DTNB: variants seen among roughly 807,000 people sequenced by gnomAD.
DTNB encodes dystrobrevin beta.
DTNB carries 63 observed loss-of-function variants against 90.7 expected under a neutral mutation model. The ratio of observed to expected loss-of-function variants is 0.69; its 90% CI spans 0.57 to 0.86. The LOEUF is 0.86. DTNB is among the 40% of genes least tolerant of loss of function. The pLI is 0.00. For synonymous variants in DTNB, 277 were observed against 286.7 expected (o/e 0.97, Z 0.34); for missense variants, 744 against 807.1 (o/e 0.92, Z 0.95).
At position 25,609,671 on chromosome 2, in the gene DTNB, C is replaced by T. The variant is rs897686979; in HGVS notation, c.363-2350G>A. Among the ~76,000 whole-genome samples, 829 of 143,374 alleles carry T rather than the reference C, an allele frequency of 5.8e-3. 6 individuals carry two copies. The highest frequency in any genetic ancestry group is 0.021 in the African/African-American group (773 of 37,456). 94.1% of individuals were successfully genotyped at this position (143,374 alleles called of 152,430 possible). A position where few individuals can be genotyped will look rare whatever the true frequency, so the allele number is the denominator to read the frequency against. ...ATAATAGAATGTACACACACACACA[C>T]ACACACACACACACACACACACACA... On this transcript the variant is annotated intron_variant, in intron 4 of 20. Transcript: ENST00000406818.
At chr2:25,406,205 A>G (rs1194803974) in intron 16 of DTNB, among the ~76,000 whole-genome samples, 1 of 152,062 alleles carries the variant, frequency 6.6e-6, no homozygotes, top group Admixed American at 6.6e-5. Context: ...TATCACAGGG[A>G]AAGGTTCTCT....
intron 8 of DTNB, among the ~76,000 whole-genome samples, chr2:25,547,701 A>G (rs2082732455): frequency 1.3e-5 from 2 of 152,118 alleles, no homozygotes; most frequent in South Asian, 4.1e-4. Flanking sequence ...GATACATTCC[A>G]ATTTTGTACT....
chr2:25,479,688 T>A (rs1051842569), intron 10 of DTNB, among the ~76,000 whole-genome samples: 9 of 152,226 alleles, frequency 5.9e-5, no homozygotes, highest in African/African-American at 2.2e-4. Context: ...ATTCAGATCA[T>A]CTTTTATTTG....
At chr2:25,664,821 G>A (rs1264129841) in intron 1 of DTNB, among the ~76,000 whole-genome samples, 2 of 152,158 alleles carry the variant, frequency 1.3e-5, no homozygotes, top group Non-Finnish European at 2.9e-5. Flanking sequence ...AGGAATCTGC[G>A]GAGTTGACCA....
intron 5 of DTNB, among the ~76,000 whole-genome samples, chr2:25,606,951 A>G (rs1338288055): frequency 6.6e-6 from 1 of 152,236 alleles, no homozygotes; most frequent in Admixed American, 6.5e-5. Context: ...CATAATTTTA[A>G]TAATGTGGAA....
chr2:25,430,204 A>G (rs950849297), intron 14 of DTNB, among the ~76,000 whole-genome samples: 5 of 152,178 alleles, frequency 3.3e-5, no homozygotes, highest in Non-Finnish European at 7.4e-5. Context: ...TCTTATCCAT[A>G]CTGTTTATTG....
rs540377302 is a variant in DTNB, at chr2:25,608,076, C to T, written c.363-755G>A. Among the ~76,000 whole-genome samples, 94 of 152,298 alleles carry T rather than the reference C, an allele frequency of 6.2e-4. 3 individuals are homozygous for T. The highest frequency in any genetic ancestry group is 1.8e-3 in the Admixed American group (27 of 15,300). On this transcript the variant is annotated intron_variant, in intron 4 of 20. Coordinates refer to ENST00000406818, the MANE Select transcript of DTNB (RefSeq NM_021907.5). ...TTCACTCAACTATGCCCTGGTTTCACAGCAGATAAAAACTTCACTAGTTGG... is the reference window on the plus strand; with the variant it reads ...TTCACTCAACTATGCCCTGGTTTCATAGCAGATAAAAACTTCACTAGTTGG...
chr2:25,408,454 G>T (rs933593413), intron 16 of DTNB, among the ~76,000 whole-genome samples: 1 of 145,314 alleles, frequency 6.9e-6, no homozygotes, highest in African/African-American at 2.6e-5. Flanking sequence ...CAGGAGAATC[G>T]CTGGAACCCA....
At chr2:25,455,833 C>G (rs974657211) in intron 10 of DTNB, among the ~76,000 whole-genome samples, 2 of 152,228 alleles carry the variant, frequency 1.3e-5, no homozygotes, top group Non-Finnish European at 2.9e-5. Context: ...TTAGAAGATG[C>G]CTTCTGGCAA....
intron 6 of DTNB, among the ~76,000 whole-genome samples, chr2:25,591,600 T>C (rs1041553002): frequency 2.6e-5 from 4 of 152,188 alleles, no homozygotes; most frequent in Admixed American, 2.6e-4. Flanking sequence ...GTTTGTAAAC[T>C]CTGAAGAATG....
At chr2:25,553,646 A>C (rs1417381800) in intron 8 of DTNB, among the ~76,000 whole-genome samples, 1 of 150,490 alleles carries the variant, frequency 6.6e-6, no homozygotes, top group Non-Finnish European at 1.5e-5. Context: ...AGGCTAAGGC[A>C]GGAGAATCAC....
intron 10 of DTNB, among the ~76,000 whole-genome samples, chr2:25,460,629 C>T (rs979809042): frequency 5.3e-5 from 8 of 152,072 alleles, no homozygotes; most frequent in African/African-American, 1.9e-4. Context: ...AAGGAGAGAT[C>T]TATGTCAAAC....
chr2:25,492,713 G>A (rs1419681654), intron 9 of DTNB, among the ~76,000 whole-genome samples: 1 of 152,128 alleles, frequency 6.6e-6, no homozygotes, highest in Non-Finnish European at 1.5e-5. Flanking sequence ...GCTGGTTTTG[G>A]TGGTGCACAC....
intron 6 of DTNB, among the ~76,000 whole-genome samples, chr2:25,592,256 TG>T (rs1344420245): frequency 6.6e-6 from 1 of 151,940 alleles, no homozygotes; most frequent in African/African-American, 2.4e-5. Context: ...GCTTCTGGTT[TG>T]GGGCTAGTAT....
chr2:25,582,193 T>A (rs1005028845), intron 6 of DTNB, among the ~76,000 whole-genome samples: 4 of 152,118 alleles, frequency 2.6e-5, no homozygotes, highest in African/African-American at 9.7e-5. Context: ...CCACTAAAAA[T>A]ATATATATTT....
intron 11 of DTNB, among the ~76,000 whole-genome samples, chr2:25,453,926 T>A (rs2059630853): frequency 6.6e-6 from 1 of 152,108 alleles, no homozygotes; most frequent in African/African-American, 2.4e-5. Context: ...GGCCGGCGGA[T>A]CACGAGGTCA....
chr2:25,608,026 CT>C (rs2067519860), intron 4 of DTNB, among the ~76,000 whole-genome samples: 1 of 152,188 alleles, frequency 6.6e-6, no homozygotes, highest in Admixed American at 6.5e-5. Context: ...ACCGAGGCCC[CT>C]GACCCAAAGT....
At chr2:25,455,135 A>AT (rs1388552413) in intron 11 of DTNB, among the ~76,000 whole-genome samples, 1 of 152,192 alleles carries the variant, frequency 6.6e-6, no homozygotes, top group Non-Finnish European at 1.5e-5. Flanking sequence ...ATAGGTTTAT[A>AT]TATTTTTTGA....
chr2:25,384,350 C>T (rs543312182), intron 18 of DTNB, among the ~76,000 whole-genome samples: 8 of 152,184 alleles, frequency 5.3e-5, no homozygotes, highest in South Asian at 2.1e-4. Flanking sequence ...TTAAAATGAC[C>T]GCACAGTGCA....
Sources: gnomAD v4.1 joint callset for allele counts (sites outside exome capture counted in the v4.1 genomes callset) on GRCh38, gnomAD v4.1.1 for gene constraint, MANE v1.5 for transcripts, NCBI Gene and HGNC (gene_info 2026-07-23, HGNC 2026-07-21) for gene names.